The following KIAA1210 variants were observed in gnomAD, a reference collection of about 807,000 sequenced individuals.
The protein encoded by KIAA1210 is KIAA1210.
In KIAA1210, 48 loss-of-function variants were observed where a neutral mutation model predicts 78.9. The ratio of observed to expected loss-of-function variants is 0.61; its 90% CI spans 0.48 to 0.77. The LOEUF is 0.77. Ranked by LOEUF, KIAA1210 falls within the 30% of genes least tolerant of loss-of-function variation. KIAA1210 has a pLI of 0.00. For synonymous variants in KIAA1210, 406 were observed against 404.5 expected, an observed-to-expected ratio of 1.00 and a Z score of -0.04; for missense variants, 1,108 against 1,100.0, an observed-to-expected ratio of 1.01 and a Z score of -0.10.
At chrX:119,119,080 TGGCCCTTATAA>T (rs760447160) in intron 2 of KIAA1210, among the ~76,000 whole-genome samples, 4 of 112,323 alleles carry the variant, frequency 3.6e-5, no homozygotes, top group Non-Finnish European at 5.6e-5. Context: ...ATTTAAACAC[TGGCCCTTATAA>T]GGAGTTGATG....
In KIAA1210 at chrX:119,088,690, G is replaced by A. The variant is rs368944477; in HGVS notation, c.2012C>T (p.Ala671Val). ...LSQALEEPED[A>V]EVFTESSSYV... The stretch of plus-strand genomic sequence containing the variant: ...ACTGCTTGATTCTGTGAAGACTTCT[G>A]CATCTTCAGGCTCCTCTAAAGCCTG... Residue 671 changes from alanine (A) to valine (V), a missense_variant, in exon 9 of 12, where the codon GCA becomes GTA. By Grantham distance (64) the Ala-to-Val change is moderately conservative. Transcript: ENST00000691062. The A allele has an allele frequency of 1.7e-6, 2 of 1,208,339 alleles. No individual in the cohort carries two copies. The highest frequency in any genetic ancestry group is 3.5e-5 in the African/African-American group (2 of 57,201).
intron 1 of KIAA1210, among the ~76,000 whole-genome samples, chrX:119,125,303 A>G (rs1221464037): frequency 2.7e-5 from 3 of 111,157 alleles, no homozygotes; most frequent in Non-Finnish European, 5.7e-5. Context: ...ATACCTATCA[A>G]AATTTAAAAT....
chrX:119,093,624 G>C (rs753501296), intron 8 of KIAA1210, 43 bp downstream of exon 8: 13 of 1,011,998 alleles, frequency 1.3e-5, no homozygotes, highest in Non-Finnish European at 1.8e-5. Context: ...GTGCAATGAA[G>C]TCTGTCATAC....
chrX:119,121,443 A>C (rs1928454830), intron 2 of KIAA1210, among the ~76,000 whole-genome samples: 1 of 111,726 alleles, frequency 9.0e-6, no homozygotes, highest in African/African-American at 3.3e-5. Context: ...GGACTTCTAT[A>C]ACAAAGCCAC....
intron 8 of KIAA1210, among the ~76,000 whole-genome samples, chrX:119,091,649 C>T (rs1927371017): frequency 8.9e-6 from 1 of 111,812 alleles, no homozygotes; most frequent in African/African-American, 3.3e-5. Context: ...TCCCTAGCTC[C>T]ATCTAGGGGT....
chrX:119,126,795 A>G (rs1928659864), intron 1 of KIAA1210, among the ~76,000 whole-genome samples: 1 of 112,441 alleles, frequency 8.9e-6, no homozygotes, highest in Non-Finnish European at 1.9e-5. Flanking sequence ...ATCTGACTGG[A>G]CACAGTGGCT....
intron 2 of KIAA1210, 143 bp from the exon 3 acceptor site, chrX:119,116,807 G>T: frequency 2.1e-6 from 1 of 476,844 alleles, no homozygotes; most frequent in Non-Finnish European, 3.5e-6. Context: ...AATGCTGACA[G>T]CACCCTTCAA....
intron 2 of KIAA1210, among the ~76,000 whole-genome samples, chrX:119,139,245 G>T (rs1042309292): frequency 1.8e-5 from 2 of 111,409 alleles, no homozygotes; most frequent in African/African-American, 6.5e-5. Flanking sequence ...CTAGCTTTAA[G>T]GAAACCCTGC....
At position 119,086,853 on chromosome X, in the gene KIAA1210, A is replaced by G. The variant is rs752127812; in HGVS notation, c.3849T>C (p.Asn1283=). 4.1e-6 allele frequency: 5 copies of G among 1,211,401 alleles called. No individual in the cohort carries two copies. In the East Asian group the frequency reaches 1.5e-4, roughly 36 times the overall value. Residue 1283 remains asparagine (N), a synonymous_variant, in exon 9 of 12, where the codon AAT becomes AAC. Transcript: ENST00000691062. ...KKEDLESGDG[N]NNQHANLSNQ... ...TGGATAGGTTTGCATGCTGGTTATTATTACCATCACCACTCTCAAGATCTT... is the reference window on the plus strand; with the variant it reads ...TGGATAGGTTTGCATGCTGGTTATTGTTACCATCACCACTCTCAAGATCTT...
At chrX:119,119,778 C>G (rs1404186409) in intron 2 of KIAA1210, among the ~76,000 whole-genome samples, 1 of 110,300 alleles carries the variant, frequency 9.1e-6, no homozygotes, top group African/African-American at 3.3e-5. Context: ...AGGTGGAGAC[C>G]ATTCTGGCTA....
At chrX:119,116,837 C>G (rs1928284208) in intron 2 of KIAA1210, among the ~76,000 whole-genome samples, 173 bp from the exon 3 acceptor site, 1 of 111,612 alleles carries the variant, frequency 9.0e-6, no homozygotes, top group African/African-American at 3.3e-5. Context: ...GATTAGTCGT[C>G]CCCTTAATAA....
At chrX:119,100,459 C>T (rs1268976033) in intron 6 of KIAA1210, among the ~76,000 whole-genome samples, 1 of 109,877 alleles carries the variant, frequency 9.1e-6, no homozygotes, top group Non-Finnish European at 1.9e-5. Context: ...GAAAGTGGGA[C>T]ACCTTTCTCT....
intron 2 of KIAA1210, among the ~76,000 whole-genome samples, chrX:119,133,513 CAGCAGGGGCCA>C (rs751428850): frequency 8.9e-6 from 1 of 111,762 alleles, no homozygotes; most frequent in South Asian, 3.8e-4. Context: ...GGCATTTGCC[CAGCAGGGGCCA>C]AGAGCAGCAG....
In KIAA1210 at chrX:119,089,197, G is replaced by A. The variant is rs372502307; in HGVS notation, c.1505C>T (p.Thr502Ile). Residue 502 changes from threonine (T) to isoleucine (I), a missense_variant, in exon 9 of 12, where the codon ACA (threonine) becomes ATA (isoleucine). By Grantham distance (89) the Thr-to-Ile change is moderately conservative. Coordinates refer to ENST00000691062, the MANE Select transcript of KIAA1210 (RefSeq NM_001394962.1). ...TGAGAGAATGGCCTCCTCTTGGGTT[G>A]TAGAAAGGCTTTCCACCATCAGTGA... Reference protein sequence around the residue: ...SLSLMVESLSTTQEEAILSVA... With the variant: ...SLSLMVESLSITQEEAILSVA... 1.7e-6 allele frequency: 2 copies of A among 1,210,873 alleles called. No homozygotes were observed. Among genetic ancestry groups the A allele is most frequent in the Non-Finnish European group, 1.1e-6 (1 of 895,052 alleles).
At chrX:119,085,591 G>A (rs1927106459) in intron 9 of KIAA1210, 45 bp from the exon 10 acceptor site, 1 of 1,136,249 alleles carries the variant, frequency 8.8e-7, no homozygotes, top group Admixed American at 2.4e-5. Context: ...AAGGCAGGCA[G>A]GGTCTTGAGC....
intron 8 of KIAA1210, among the ~76,000 whole-genome samples, chrX:119,091,864 C>G (rs1035761350): frequency 4.5e-5 from 5 of 111,751 alleles, no homozygotes; most frequent in African/African-American, 1.6e-4. Flanking sequence ...CACATGTTCT[C>G]CCTTATAAAT....
At chrX:119,133,820 T>A (rs1928851775) in intron 2 of KIAA1210, among the ~76,000 whole-genome samples, 1 of 109,539 alleles carries the variant, frequency 9.1e-6, no homozygotes, top group Non-Finnish European at 1.9e-5. Context: ...ATGGCTTTGG[T>A]GGCACATTAT....
Position 119,089,205 on chromosome X carries a change from G to T in KIAA1210, c.1497C>A (p.Ser499Arg). ...TGGCCTCCTCTTGGGTTGTAGAAAG[G>T]CTTTCCACCATCAGTGAGAGAGAAG... ...ARASLSLMVE[S>R]LSTTQEEAIL... The change falls in exon 9 of 12, where the codon AGC becomes AGA. Residue 499 changes from serine (S) to arginine (R), a missense_variant. Ser to Arg is a moderately radical substitution (Grantham distance 110, BLOSUM62 -1). Around this residue, in one of 5 missense-constraint regions of KIAA1210, gnomAD observed 672 missense variants for 607.1 expected, o/e 1.11. Transcript: ENST00000691062. 1 of 1,210,952 alleles carries T rather than the reference G, an allele frequency of 8.3e-7. No individual in the cohort carries two copies. Among genetic ancestry groups the T allele is most frequent in the Non-Finnish European group, 1.1e-6 (1 of 895,092 alleles).
At chrX:119,123,679 C>A (rs1381452099) in intron 1 of KIAA1210, 27 bp from the exon 2 acceptor site, 1 of 1,018,331 alleles carries the variant, frequency 9.8e-7, no homozygotes, top group African/African-American at 1.9e-5. Flanking sequence ...AGCAAAAAAG[C>A]AAAATATCAT....
Sources: gnomAD v4.1 joint callset for allele counts (sites outside exome capture counted in the v4.1 genomes callset) on GRCh38, gnomAD v4.1.1 for gene constraint, gnomAD v4.1.1 regional missense constraint, MANE v1.5 for transcripts, NCBI Gene and HGNC (gene_info 2026-07-23, HGNC 2026-07-21) for gene names.